Variants in ADGRE1 observed in about 807,000 individuals in gnomAD.
The protein encoded by ADGRE1 is adhesion G protein-coupled receptor E1, also known as EGF-like module receptor 1.
ADGRE1 carries 82 observed loss-of-function variants against 102.7 expected under a neutral mutation model. The observed-to-expected ratio is 0.80, with a 90% CI of 0.67 to 0.96. The LOEUF is 0.96. Ranked by LOEUF, ADGRE1 falls within the 40% of genes least tolerant of loss-of-function variation. The pLI is 0.00. For missense variants in ADGRE1, 1,032 were observed against 1,085.3 expected, an observed-to-expected ratio of 0.95 and a Z score of 0.69; for synonymous variants, 398 against 399.6, an observed-to-expected ratio of 1.00 and a Z score of 0.05.
In ADGRE1 at chr19:6,926,347, G is replaced by C; in HGVS notation, c.1987-19G>C. ...TCTCTGGGGTGGAGGATTCTGATGC[G>C]CATGCTTCTCCCCTCCAGATGGGCT... On this transcript the variant is annotated intron_variant, in intron 15 of 20. Transcript: ENST00000312053. 1 of 1,612,084 alleles carries C rather than the reference G, an allele frequency of 6.2e-7. No homozygotes were observed. The highest frequency in any genetic ancestry group is 1.3e-5 in the African/African-American group (1 of 74,970).
chr19:6,910,634 C>T (rs1328524766), intron 10 of ADGRE1, among the ~76,000 whole-genome samples: 9 of 131,360 alleles, frequency 6.9e-5, no homozygotes, highest in African/African-American at 2.2e-4. Flanking sequence ...TGCAATGGCG[C>T]AATATTGACT....
chr19:6,926,705 A>AC, intron 16 of ADGRE1, 104 bp downstream of exon 16: 2 of 1,208,154 alleles, frequency 1.7e-6, no homozygotes, highest in Non-Finnish European at 2.4e-6. Flanking sequence ...AGTTGTGGCT[A>AC]CCATTTATCG....
chr19:6,911,385 G>GA (rs1555714467), intron 10 of ADGRE1, among the ~76,000 whole-genome samples: 3 of 79,844 alleles, frequency 3.8e-5, no homozygotes, highest in Non-Finnish European at 4.7e-5. Context: ...ATTCCTTTTA[G>GA]TTTTTTTTTT....
At chr19:6,900,572 C>T (rs940879973) in intron 5 of ADGRE1, among the ~76,000 whole-genome samples, 4 of 152,184 alleles carry the variant, frequency 2.6e-5, no homozygotes, top group Non-Finnish European at 5.9e-5. Context: ...CAGCAGCCTC[C>T]TCTCTAGTCT....
At chr19:6,901,187 G>A (rs1973754297) in intron 5 of ADGRE1, among the ~76,000 whole-genome samples, 1 of 152,204 alleles carries the variant, frequency 6.6e-6, no homozygotes, top group African/African-American at 2.4e-5. Flanking sequence ...TTTTCACCAT[G>A]TAGCTACACC....
rs542411645 is a variant in ADGRE1 at position 6,935,063 on chromosome 19, C to T, written c.2366C>T (p.Thr789Met). 2.0e-5 allele frequency: 32 copies of T among 1,598,632 alleles called. No homozygotes were observed. The highest frequency in any genetic ancestry group is 2.3e-5 in the East Asian group (1 of 43,788). ...RLSSVNAEVS[T>M]LKDTRLLTFK... ...TCCAGTGTTAATGCCGAAGTCTCAACGCTAAAAGACACCAGGTAAAGCCCT... is the reference window on the plus strand; with the variant it reads ...TCCAGTGTTAATGCCGAAGTCTCAATGCTAAAAGACACCAGGTAAAGCCCT... Residue 789 changes from threonine to methionine, a missense_variant, in exon 18 of 21, where the codon ACG becomes ATG. Thr to Met is a moderately conservative substitution (Grantham distance 81, BLOSUM62 -1). Coordinates refer to ENST00000312053, the MANE Select transcript of ADGRE1 (RefSeq NM_001974.5).
intron 5 of ADGRE1, 89 bp from the exon 6 acceptor site, chr19:6,901,786 A>C: frequency 7.2e-7 from 1 of 1,396,340 alleles, no homozygotes; most frequent in South Asian, 1.2e-5. Context: ...TCTGCTGAAA[A>C]TCAACACTCA....
chr19:6,919,660 G>T lies in ADGRE1; in HGVS notation c.1533G>T (p.Met511Ile). 1 of 1,613,532 alleles carries T rather than the reference G, an allele frequency of 6.2e-7. No homozygotes were observed. Among genetic ancestry groups the T allele is most frequent in the Non-Finnish European group, 8.5e-7 (1 of 1,179,932 alleles). The stretch of plus-strand genomic sequence containing the variant: ...CCACCTCTGAGATCAAGCTGAAGAT[G>T]AATTCTCGAGTCGTTGGGGGCATAA... ...PLTTSEIKLK[M>I]NSRVVGGIMT... The change falls in exon 13 of 21, where the codon ATG becomes ATT. Residue 511 changes from methionine (M) to isoleucine (I), a missense_variant. Transcript: ENST00000312053.
At chr19:6,920,228 C>CTTTTCT (rs71903311) in intron 13 of ADGRE1, among the ~76,000 whole-genome samples, 1 of 148,916 alleles carries the variant, frequency 6.7e-6, no homozygotes, top group Admixed American at 6.7e-5. Context: ...GTGGTGGTTG[C>CTTTTCT]TTCTTTTTTT....
At chr19:6,904,631 G>A (rs997420136) in intron 8 of ADGRE1, among the ~76,000 whole-genome samples, 23 of 150,362 alleles carry the variant, frequency 1.5e-4, no homozygotes, top group South Asian at 2.1e-4. Context: ...TCAGCCTCCT[G>A]AGTAGCTGGG....
intron 8 of ADGRE1, 106 bp downstream of exon 8, chr19:6,904,288 CCACA>C: frequency 7.3e-7 from 1 of 1,368,046 alleles, no homozygotes; most frequent in Non-Finnish European, 9.9e-7. Context: ...GTTGCCTCAT[CCACA>C]TATTCTGTTT....
At position 6,903,956 on chromosome 19, in the gene ADGRE1, CAG is replaced by C. The variant is rs756016122; in HGVS notation, c.802+11_802+12del. 5 of 1,614,030 alleles carry C rather than the reference CAG, an allele frequency of 3.1e-6. No homozygotes were observed. The African/African-American group carries it at 4.0e-5, about 13-fold the overall frequency. ...CCAAGGAGTGGAATGTAGAGGTGAG[CAG>C]AGAGTTTGATGGACAATCCAGAAAA... On this transcript the variant is annotated splice_region_variant and intron_variant, in intron 7 of 20. Transcript: ENST00000312053.
At chr19:6,893,360 G>T (rs1294095189) in intron 2 of ADGRE1, among the ~76,000 whole-genome samples, 1 of 152,022 alleles carries the variant, frequency 6.6e-6, no homozygotes, top group Non-Finnish European at 1.5e-5. Flanking sequence ...ACCATGCCTG[G>T]CTAATTTTTT....
chr19:6,920,244 T>TTTTTTTTTTTA (rs777225544), intron 13 of ADGRE1, among the ~76,000 whole-genome samples: 1 of 147,894 alleles, frequency 6.8e-6, no homozygotes, highest in African/African-American at 2.5e-5. Context: ...TTTTTTTTTT[T>TTTTTTTTTTTA]AGTCTCACTC....
At chr19:6,908,836 A>C in intron 10 of ADGRE1, 64 bp downstream of exon 10, 1 of 1,491,440 alleles carries the variant, frequency 6.7e-7, no homozygotes, top group Non-Finnish European at 9.2e-7. Flanking sequence ...CTTTGGGTGC[A>C]GAAAGATGTC....
chr19:6,898,989 T>G (rs1482279999), intron 5 of ADGRE1, among the ~76,000 whole-genome samples: 1 of 152,162 alleles, frequency 6.6e-6, no homozygotes, highest in African/African-American at 2.4e-5. Flanking sequence ...AAGGTTAATA[T>G]TGATATTTGA....
intron 17 of ADGRE1, among the ~76,000 whole-genome samples, chr19:6,930,381 C>G (rs565523237): frequency 1.3e-5 from 2 of 152,196 alleles, no homozygotes; most frequent in Non-Finnish European, 2.9e-5. Flanking sequence ...TCTTCTGACT[C>G]TCACTCATGG....
At chr19:6,932,781 G>A (rs1278041393) in intron 17 of ADGRE1, among the ~76,000 whole-genome samples, 1 of 152,160 alleles carries the variant, frequency 6.6e-6, no homozygotes, top group African/African-American at 2.4e-5. Context: ...CTACTTCCTT[G>A]AAATGCCAAG....
At chr19:6,905,198 A>T (rs1973909485) in intron 8 of ADGRE1, among the ~76,000 whole-genome samples, 1 of 152,094 alleles carries the variant, frequency 6.6e-6, no homozygotes, top group African/African-American at 2.4e-5. Context: ...ATGATAAAAA[A>T]TTAGCCAGGT....
Sources: allele counts gnomAD v4.1 joint callset (sites outside exome capture counted in the v4.1 genomes callset), GRCh38; gene constraint gnomAD v4.1.1; transcripts MANE v1.5; gene names NCBI Gene and HGNC (gene_info 2026-07-23, HGNC 2026-07-21).